The following ANKRD55 variants were observed in gnomAD, a reference collection of about 807,000 sequenced individuals.
ANKRD55 encodes ankyrin repeat domain-containing protein 55.
A neutral mutation model predicts 60.6 loss-of-function variants in ANKRD55; 41 were observed. The observed-to-expected ratio is 0.68, with a 90% CI of 0.53 to 0.88. The LOEUF is 0.88. Among genes scored for constraint, ANKRD55 ranks in the 40% least tolerant of loss-of-function variants. The probability of loss-of-function intolerance (pLI) is 0.00; values close to 1 mark genes in which losing one functional copy is unlikely to be tolerated. For missense variants in ANKRD55, 732 were observed against 767.6 expected (o/e 0.95, Z 0.55); for synonymous variants, 264 against 290.3 (o/e 0.91, Z 0.92).
At chr5:56,159,130 G>A (rs1228630211) in intron 6 of ANKRD55, among the ~76,000 whole-genome samples, 1 of 152,138 alleles carries the variant, frequency 6.6e-6, no homozygotes, top group Non-Finnish European at 1.5e-5. Flanking sequence ...CCACTGGCAC[G>A]CGCCACTACA....
chr5:56,171,625 G>A (rs1305213138), intron 4 of ANKRD55, among the ~76,000 whole-genome samples: 1 of 152,090 alleles, frequency 6.6e-6, no homozygotes, highest in Admixed American at 6.5e-5. Flanking sequence ...ATCCAGAATG[G>A]CTTGGGTTAT....
At chr5:56,203,366 C>T (rs981069370) in intron 2 of ANKRD55, among the ~76,000 whole-genome samples, 3 of 152,058 alleles carry the variant, frequency 2.0e-5, no homozygotes, top group African/African-American at 7.2e-5. Flanking sequence ...TATTATTATA[C>T]TTTAAGTTTT....
intron 7 of ANKRD55, among the ~76,000 whole-genome samples, chr5:56,131,176 C>A (rs1173118950): frequency 6.0e-5 from 9 of 151,028 alleles, no homozygotes; most frequent in African/African-American, 1.9e-4. Context: ...AACAACAAAA[C>A]AAACAAAAAA....
At position 56,206,216 on chromosome 5, in the gene ANKRD55, AT is replaced by A. The variant is rs745608979; in HGVS notation, c.59-22583del. Among the ~76,000 whole-genome samples the A allele has an allele frequency of 4.0e-5, 6 of 151,616 alleles. No individual in the cohort carries two copies. The East Asian group carries it at 1.2e-3, about 29-fold the overall frequency. Reference sequence around the variant, plus strand: ...GGTCTCAAACTCCTGGGCTCAAGTGATTTTCCTCCCTCAGCCTCCTAAAATG... The same window carrying A: ...GGTCTCAAACTCCTGGGCTCAAGTGATTTCCTCCCTCAGCCTCCTAAAATG... On this transcript the variant is annotated intron_variant, in intron 2 of 11. Coordinates refer to ENST00000341048, the MANE Select transcript of ANKRD55 (RefSeq NM_024669.3).
intron 8 of ANKRD55, among the ~76,000 whole-genome samples, chr5:56,119,476 G>A (rs1021352718): frequency 2.0e-5 from 3 of 152,196 alleles, no homozygotes; most frequent in African/African-American, 7.2e-5. Context: ...TGATGTTGGA[G>A]TTGATGGAAT....
intron 2 of ANKRD55, among the ~76,000 whole-genome samples, chr5:56,215,169 T>A (rs1182030402): frequency 1.3e-5 from 2 of 152,224 alleles, no homozygotes; most frequent in Non-Finnish European, 2.9e-5. Flanking sequence ...AAAGGTCCAC[T>A]TGTTGCTGCA....
At chr5:56,103,899 GTGGA>G (rs1227094662) in intron 10 of ANKRD55, among the ~76,000 whole-genome samples, 2 of 152,180 alleles carry the variant, frequency 1.3e-5, no homozygotes, top group East Asian at 3.8e-4. Flanking sequence ...GAATCTCATG[GTGGA>G]TGGTCTGTGC....
intron 7 of ANKRD55, chr5:56,137,318 T>A (rs1446245024): frequency 6.4e-7 from 1 of 1,551,588 alleles, no homozygotes; most frequent in Non-Finnish European, 8.8e-7. Flanking sequence ...ATCTGGTCAT[T>A]GAGCATATCC....
intron 6 of ANKRD55, among the ~76,000 whole-genome samples, chr5:56,151,934 T>C (rs1758064091): frequency 6.7e-6 from 1 of 149,366 alleles, no homozygotes; most frequent in Non-Finnish European, 1.5e-5. Flanking sequence ...TATATATGTA[T>C]ATATGTGTGT....
At chr5:56,183,657 A>G (rs1212889729) in intron 2 of ANKRD55, 23 bp from the exon 3 acceptor site, 1 of 1,612,286 alleles carries the variant, frequency 6.2e-7, no homozygotes, top group Admixed American at 1.7e-5. Flanking sequence ...AACAGACACA[A>G]TGTTAGTGTG....
chr5:56,123,452 C>T (rs1223263318), intron 8 of ANKRD55, among the ~76,000 whole-genome samples: 3 of 152,148 alleles, frequency 2.0e-5, no homozygotes, highest in African/African-American at 7.2e-5. Context: ...TATTTTTCAA[C>T]ACAGTGATCA....
At chr5:56,216,370 G>T (rs61477315) in intron 2 of ANKRD55, among the ~76,000 whole-genome samples, 14,964 of 152,084 alleles carry the variant, frequency 0.098, 1,323 homozygotes, top group African/African-American at 0.24. Context: ...CAACAATATT[G>T]AAATTAGGCC....
intron 7 of ANKRD55, among the ~76,000 whole-genome samples, chr5:56,135,278 C>CTTGCTTG (rs1580969142): frequency 7.8e-5 from 6 of 77,032 alleles, no homozygotes; most frequent in African/African-American, 3.3e-4. Context: ...CTCCCTCCCT[C>CTTGCTTG]CCTGCCTGCC....
Position 56,102,554 on chromosome 5 carries a change from G to A in ANKRD55, c.1663C>T (p.His555Tyr), listed in dbSNP as rs1454011757. 2 of 1,613,656 alleles carry A rather than the reference G, an allele frequency of 1.2e-6. No homozygotes were observed. The highest frequency in any genetic ancestry group is 1.7e-6 in the Non-Finnish European group (2 of 1,179,702). The change falls in exon 11 of 12, where the codon CAC (histidine) becomes TAC (tyrosine). Residue 555 changes from histidine (H) to tyrosine (Y), a missense_variant. Physicochemically the swap from His to Tyr is moderately conservative, Grantham distance 83. This residue lies in a region of ANKRD55 where 597 missense variants were observed against 607.5 expected (regional missense o/e 0.98). Transcript: ENST00000341048. ...GTGAAAGGAAGATCCCTGATTTTGT[G>A]TCTGTTTGGGGAAAGATGCTGAAAA... The part of the protein sequence containing the change: ...QNFQHLSPNR[H>Y]KIRDLPFTRN...
Position 56,111,662 on chromosome 5 carries a change from C to T in ANKRD55, c.1086G>A (p.Gln362=). Reference sequence around the variant, plus strand: ...TGTATCGGTCCCTGCTGGGATCCTTCTGATGGGCTCTCTGCTCTTCTTTCT... The same window carrying T: ...TGTATCGGTCCCTGCTGGGATCCTTTTGATGGGCTCTCTGCTCTTCTTTCT... ...KNKKEEQRAH[Q]KDPSRDRYRE... The change falls in exon 10 of 12, where the codon CAG becomes CAA. Residue 362 remains glutamine (Q), a synonymous_variant. Transcript: ENST00000341048. 6.5e-7 allele frequency: 1 copy of T among 1,530,362 alleles called. No homozygotes were observed. The highest frequency in any genetic ancestry group is 1.8e-4 in the Middle Eastern group (1 of 5,650). The allele number at this position is 1,530,362 out of a possible 1,614,324, so 94.8% of individuals were successfully genotyped here. A position where few individuals can be genotyped will look rare whatever the true frequency, so the allele number is the denominator to read the frequency against.
At chr5:56,197,268 T>TA (rs1439037160) in intron 2 of ANKRD55, among the ~76,000 whole-genome samples, 1 of 152,198 alleles carries the variant, frequency 6.6e-6, no homozygotes, top group African/African-American at 2.4e-5. Context: ...GGGTCCACGA[T>TA]AAAATCTGTA....
chr5:56,108,866 G>A (rs1580937538), intron 10 of ANKRD55, among the ~76,000 whole-genome samples: 2 of 152,206 alleles, frequency 1.3e-5, no homozygotes, highest in Non-Finnish European at 1.5e-5. Context: ...GTGAAACCCC[G>A]TCTCCACTAA....
At chr5:56,127,660 G>A (rs1757309241) in intron 7 of ANKRD55, 2 of 708,064 alleles carry the variant, frequency 2.8e-6, no homozygotes, top group South Asian at 1.3e-4. Flanking sequence ...TGTCTGAGCA[G>A]AGGCTACAGT....
intron 7 of ANKRD55, among the ~76,000 whole-genome samples, chr5:56,142,951 C>T (rs545688071): frequency 3.5e-4 from 53 of 152,340 alleles, no homozygotes; most frequent in African/African-American, 1.1e-3. Flanking sequence ...TTTCCCCTTA[C>T]ATCAGGCACA....
Sources: allele counts gnomAD v4.1 joint callset (sites outside exome capture counted in the v4.1 genomes callset), GRCh38; gene constraint gnomAD v4.1.1; regional missense constraint gnomAD v4.1.1; transcripts MANE v1.5; gene names NCBI Gene and HGNC (gene_info 2026-07-23, HGNC 2026-07-21).